Variants in SFXN5 observed in about 807,000 individuals in gnomAD.
The protein encoded by SFXN5 is sideroflexin 5.
Under a neutral mutation model 50.2 loss-of-function variants are expected in SFXN5, and 43 were observed. The ratio of observed to expected loss-of-function variants is 0.86; its 90% CI spans 0.67 to 1.11. The LOEUF is 1.11. Among genes scored for constraint, SFXN5 ranks in the 50% least tolerant of loss-of-function variants. The pLI is 0.00. For synonymous variants in SFXN5, 203 were observed against 185.8 expected, an observed-to-expected ratio of 1.09 and a Z score of -0.75; for missense variants, 463 against 454.1, an observed-to-expected ratio of 1.02 and a Z score of -0.18.
chr2:72,955,300 C>T (rs1461620545), intron 13 of SFXN5, among the ~76,000 whole-genome samples: 1 of 152,188 alleles, frequency 6.6e-6, no homozygotes, highest in Non-Finnish European at 1.5e-5. Flanking sequence ...CGCCCGTTCA[C>T]GCAGTAATCC....
intron 1 of SFXN5, among the ~76,000 whole-genome samples, chr2:73,068,150 G>A (rs764929513): frequency 2.6e-5 from 4 of 152,186 alleles, no homozygotes; most frequent in South Asian, 4.1e-4. Context: ...GTTCTAGAGC[G>A]ACTCCAGGGA....
intron 10 of SFXN5, among the ~76,000 whole-genome samples, chr2:72,984,041 A>G (rs1447208796): frequency 6.6e-6 from 1 of 152,244 alleles, no homozygotes; most frequent in Non-Finnish European, 1.5e-5. Flanking sequence ...GCTCCTGAAC[A>G]CAATTAGGCG....
intron 2 of SFXN5, chr2:73,042,423 AC>A (rs1014187144): frequency 4.6e-5 from 7 of 151,536 alleles, no homozygotes; most frequent in African/African-American, 1.7e-4. Flanking sequence ...GACCAGCCTG[AC>A]CAACATGATG....
intron 9 of SFXN5, among the ~76,000 whole-genome samples, chr2:72,995,149 C>T (rs572255495): frequency 2.6e-4 from 40 of 152,256 alleles, no homozygotes; most frequent in African/African-American, 6.3e-4. Context: ...CACAGTCCCC[C>T]GATGGGAGTC....
At chr2:72,967,612 T>TG (rs2105427993) in intron 12 of SFXN5, among the ~76,000 whole-genome samples, 1 of 152,282 alleles carries the variant, frequency 6.6e-6, no homozygotes, top group African/African-American at 2.4e-5. Context: ...GAACCCCAGA[T>TG]GGAGTAACCC....
At chr2:72,994,103 G>A (rs1024188032) in intron 9 of SFXN5, among the ~76,000 whole-genome samples, 4 of 152,062 alleles carry the variant, frequency 2.6e-5, no homozygotes, top group African/African-American at 9.7e-5. Context: ...TATGCCACAG[G>A]GGGTGCAGCA....
At chr2:72,999,224 C>A (rs557311236) in intron 8 of SFXN5, among the ~76,000 whole-genome samples, 1 of 152,332 alleles carries the variant, frequency 6.6e-6, no homozygotes, top group East Asian at 1.9e-4. Context: ...CAGGGAGATA[C>A]TGAAGGGCCC....
At chr2:73,023,391 TCAGAGAGTAAGGGC>T (rs1472876699) in intron 3 of SFXN5, among the ~76,000 whole-genome samples, 177 bp from the exon 4 acceptor site, 1 of 151,992 alleles carries the variant, frequency 6.6e-6, no homozygotes, top group Non-Finnish European at 1.5e-5. Context: ...GGGGGTGACA[TCAGAGAGTAAGGGC>T]CAGAGAGGTC....
In SFXN5 at chr2:73,041,431, C is replaced by T. The variant is rs183259881; in HGVS notation, c.172-500G>A. On this transcript the variant is annotated intron_variant, in intron 2 of 13. Transcript: ENST00000272433. ...TTTAGGCCAGGCGCGGTGGCTCACA[C>T]CTGTAATCCCAGCACTTTTGGAGGC... Among the ~76,000 whole-genome samples the T allele has an allele frequency of 5.1e-3, 776 of 152,258 alleles. 3 individuals are homozygous for T. Among genetic ancestry groups the T allele is most frequent in the Middle Eastern group, 0.017 (5 of 294 alleles).
intron 1 of SFXN5, among the ~76,000 whole-genome samples, chr2:73,067,100 T>C (rs1039190502): frequency 6.6e-6 from 1 of 152,158 alleles, no homozygotes; most frequent in Non-Finnish European, 1.5e-5. Flanking sequence ...AGGACATGGT[T>C]ATGTTAAACA....
Position 72,950,995 on chromosome 2 carries a change from T to A in SFXN5, c.946-5896A>T, listed in dbSNP as rs923088781. Among the ~76,000 whole-genome samples, 1 of 152,122 alleles carries A rather than the reference T, an allele frequency of 6.6e-6. No individual in the cohort carries two copies. Among genetic ancestry groups the A allele is most frequent in the African/African-American group, 2.4e-5 (1 of 41,416 alleles). On this transcript the variant is annotated intron_variant, in intron 13 of 13. Transcript: ENST00000272433. The surrounding 1 kb of genome is among the most constrained non-coding windows in gnomAD (Gnocchi z 4.2). ...TGGGCCCATCATCTCTTCCATCTGG[T>A]AGGCTCCTCCCCGGGCACCCAAGAG...
At chr2:73,047,662 G>A (rs1432862955) in intron 2 of SFXN5, among the ~76,000 whole-genome samples, 1 of 152,012 alleles carries the variant, frequency 6.6e-6, no homozygotes, top group African/African-American at 2.4e-5. Context: ...TGTAAGATGT[G>A]ACTTTGCTCC....
chr2:72,952,342 C>G (rs1037168436), intron 13 of SFXN5, among the ~76,000 whole-genome samples: 1 of 152,228 alleles, frequency 6.6e-6, no homozygotes, highest in Non-Finnish European at 1.5e-5. Context: ...GTGTCCCCAG[C>G]ACATGCTTTT....
chr2:73,062,106 G>C lies in SFXN5; in HGVS notation c.103-3510C>G, dbSNP rs556898939. 5.3e-5 allele frequency among the ~76,000 whole-genome samples: 8 copies of C among 152,300 alleles called. No individual in the cohort carries two copies. The East Asian group carries it at 1.3e-3, about 26-fold the overall frequency. The stretch of plus-strand genomic sequence containing the variant: ...CACTCCAGCCTGGGTGACAGAGTGA[G>C]AGCCTGTCTCCAAAAATAAAATAAA... On this transcript the variant is annotated intron_variant, in intron 1 of 13. Coordinates refer to ENST00000272433, the MANE Select transcript of SFXN5 (RefSeq NM_144579.3).
intron 2 of SFXN5, among the ~76,000 whole-genome samples, chr2:73,041,347 G>A (rs895996245): frequency 6.6e-6 from 1 of 152,196 alleles, no homozygotes; most frequent in African/African-American, 2.4e-5. Context: ...GGAGGAAAGG[G>A]CCAAGACTTG....
intron 6 of SFXN5, among the ~76,000 whole-genome samples, chr2:73,019,187 CAT>C (rs1676522694): frequency 6.6e-6 from 1 of 152,056 alleles, no homozygotes; most frequent in Non-Finnish European, 1.5e-5. Flanking sequence ...CAAAAGAGCA[CAT>C]GTTGATGATT....
At chr2:73,054,030 A>G (rs139027115) in intron 2 of SFXN5, among the ~76,000 whole-genome samples, 1 of 152,282 alleles carries the variant, frequency 6.6e-6, no homozygotes, top group East Asian at 1.9e-4. Context: ...CATTGCATTG[A>G]TGGAGATGAC....
Position 73,022,514 on chromosome 2 carries a change from G to A in SFXN5, c.331+8C>T. 6.2e-7 allele frequency: 1 copy of A among 1,612,228 alleles called. No homozygotes were observed. The highest frequency in any genetic ancestry group is 8.5e-7 in the Non-Finnish European group (1 of 1,178,514). On this transcript the variant is annotated splice_region_variant and intron_variant, in intron 5 of 13. Coordinates refer to ENST00000272433, the MANE Select transcript of SFXN5 (RefSeq NM_144579.3). ...CTGACCAGAACCAGAAGGGCCCCAG[G>A]AGCTTACCTGACATTCTAAATGGCA...
intron 6 of SFXN5, among the ~76,000 whole-genome samples, chr2:73,004,953 T>C (rs1238302212): frequency 2.6e-5 from 4 of 152,114 alleles, no homozygotes; most frequent in Non-Finnish European, 5.9e-5. Flanking sequence ...CTGCCCACAT[T>C]CCCTCCCGCT....
Sources: gnomAD v4.1 joint callset for allele counts (sites outside exome capture counted in the v4.1 genomes callset) on GRCh38, gnomAD v4.1.1 for gene constraint, Gnocchi (gnomAD v3.1) non-coding constraint, MANE v1.5 for transcripts, NCBI Gene and HGNC (gene_info 2026-07-23, HGNC 2026-07-21) for gene names.